Variants in CDS1 observed in about 807,000 individuals in gnomAD.
The protein encoded by CDS1 is CDP-diacylglycerol synthase 1.
CDS1 carries 41 observed loss-of-function variants against 62.1 expected under a neutral mutation model. The observed-to-expected ratio is 0.66, with a 90% CI of 0.51 to 0.86. The LOEUF (loss-of-function observed/expected upper bound fraction) is 0.86. CDS1 is among the 40% of genes least tolerant of loss of function. CDS1 has a pLI of 0.00. For synonymous variants in CDS1, 185 were observed against 192.6 expected, an observed-to-expected ratio of 0.96 and a Z score of 0.32; for missense variants, 470 against 550.1, an observed-to-expected ratio of 0.85 and a Z score of 1.46.
chr4:84,613,885 T>C (rs1723409510), intron 3 of CDS1, among the ~76,000 whole-genome samples: 2 of 152,186 alleles, frequency 1.3e-5, no homozygotes, highest in Admixed American at 1.3e-4. Context: ...TACTTTTAAA[T>C]AGTGTGTTTA....
rs1364533450 is a variant in CDS1, at chr4:84,635,297, T to G, written c.756T>G (p.Asn252Lys). 7.0e-6 allele frequency: 11 copies of G among 1,581,394 alleles called. No homozygotes were observed. The highest frequency in any genetic ancestry group is 7.8e-6 in the Non-Finnish European group (9 of 1,160,278). Residue 252 changes from asparagine (N) to lysine (K), a missense_variant, in exon 8 of 13, where the codon AAT (asparagine) becomes AAG (lysine). By Grantham distance (94) the Asn-to-Lys change is moderately conservative (BLOSUM62 0). Around this residue, in one of 5 missense-constraint regions of CDS1, gnomAD observed 214 missense variants for 242.4 expected, o/e 0.88. Transcript: ENST00000295887. ...FLVPISSVIC[N>K]DITAYLFGFF... Reference sequence around the variant, plus strand: ...TTCCAATATCAAGTGTTATCTGCAATGACATAACTGCTTACCTTTTTGGAT... The same window carrying G: ...TTCCAATATCAAGTGTTATCTGCAAGGACATAACTGCTTACCTTTTTGGAT...
chr4:84,647,844 TTACTG>T (rs931232394), intron 12 of CDS1, among the ~76,000 whole-genome samples: 16 of 152,206 alleles, frequency 1.1e-4, no homozygotes, highest in Non-Finnish European at 2.1e-4. Context: ...TGAACAATCT[TTACTG>T]TAAGGCATAC....
intron 2 of CDS1, among the ~76,000 whole-genome samples, chr4:84,607,538 G>C (rs1723167378): frequency 6.6e-6 from 1 of 151,968 alleles, no homozygotes; most frequent in African/African-American, 2.4e-5. Flanking sequence ...GCCCAGGCTG[G>C]TCTCAAACTC....
chr4:84,639,859 G>A (rs1259187574), intron 9 of CDS1, among the ~76,000 whole-genome samples: 1 of 151,932 alleles, frequency 6.6e-6, no homozygotes, highest in Non-Finnish European at 1.5e-5. Context: ...AATTATTCCA[G>A]TGTTTTTGTG....
chr4:84,600,305 G>A (rs1251115248), intron 1 of CDS1, among the ~76,000 whole-genome samples: 1 of 152,062 alleles, frequency 6.6e-6, no homozygotes, highest in African/African-American at 2.4e-5. Flanking sequence ...GTTTCGTTCT[G>A]TGACTTGTCT....
chr4:84,632,115 A>G (rs965830570), intron 6 of CDS1, among the ~76,000 whole-genome samples: 5 of 152,178 alleles, frequency 3.3e-5, no homozygotes, highest in Non-Finnish European at 1.5e-5. Flanking sequence ...AATATTTTCA[A>G]ATGGTGTAAA....
At chr4:84,622,950 G>A (rs1223139336) in intron 5 of CDS1, among the ~76,000 whole-genome samples, 3 of 151,904 alleles carry the variant, frequency 2.0e-5, no homozygotes, top group African/African-American at 4.8e-5. Flanking sequence ...TGTTTTTCCC[G>A]AACTTGAGGA....
At chr4:84,642,879 T>C in intron 10 of CDS1, 145 bp from the exon 11 acceptor site, 3 of 746,196 alleles carry the variant, frequency 4.0e-6, no homozygotes, top group Non-Finnish European at 6.4e-6. Flanking sequence ...CTTTTCTTCC[T>C]TGATCCTTAA....
intron 5 of CDS1, among the ~76,000 whole-genome samples, chr4:84,629,498 T>C (rs1387069839): frequency 6.6e-6 from 1 of 152,200 alleles, no homozygotes; most frequent in Non-Finnish European, 1.5e-5. Context: ...ATAAGTAATC[T>C]AGAAATGATT....
chr4:84,635,405 T>G, intron 8 of CDS1, 54 bp downstream of exon 8: 2 of 854,616 alleles, frequency 2.3e-6, no homozygotes, highest in Admixed American at 4.1e-5. Context: ...GATTAGCCAC[T>G]GGAGAACATT....
intron 1 of CDS1, among the ~76,000 whole-genome samples, chr4:84,586,521 T>G (rs1426581278): frequency 6.6e-6 from 1 of 152,128 alleles, no homozygotes; most frequent in African/African-American, 2.4e-5. Context: ...AATGCTGCTG[T>G]TGATCTGACA....
At chr4:84,627,706 C>G (rs1041433015) in intron 5 of CDS1, among the ~76,000 whole-genome samples, 1 of 151,860 alleles carries the variant, frequency 6.6e-6, no homozygotes, top group Non-Finnish European at 1.5e-5. Context: ...TGCTTTGAGT[C>G]CAAGAAAATT....
intron 3 of CDS1, among the ~76,000 whole-genome samples, chr4:84,610,060 A>T (rs1160945381): frequency 6.6e-6 from 1 of 152,176 alleles, no homozygotes; most frequent in Non-Finnish European, 1.5e-5. Flanking sequence ...TCAACATATG[A>T]CTATTAGCTA....
At chr4:84,638,845 G>GTT (rs1351807874) in intron 8 of CDS1, 79 bp from the exon 9 acceptor site, 100 of 308,790 alleles carry the variant, frequency 3.2e-4, no homozygotes, top group African/African-American at 2.0e-3. Flanking sequence ...TGAGGAAATA[G>GTT]TTTATATATA....
chr4:84,587,970 C>T (rs1722469938), intron 1 of CDS1, among the ~76,000 whole-genome samples: 1 of 152,198 alleles, frequency 6.6e-6, no homozygotes, highest in Non-Finnish European at 1.5e-5. Flanking sequence ...GGCCAGGTTG[C>T]ATCAATGCAG....
intron 11 of CDS1, among the ~76,000 whole-genome samples, chr4:84,644,324 G>A (rs1299159573): frequency 6.6e-6 from 1 of 152,228 alleles, no homozygotes; most frequent in African/African-American, 2.4e-5. Context: ...TGTAATAGCA[G>A]AGTGGCATTG....
intron 3 of CDS1, 135 bp from the exon 4 acceptor site, chr4:84,617,429 T>C: frequency 1.7e-6 from 1 of 589,014 alleles, no homozygotes; most frequent in Non-Finnish European, 3.0e-6. Context: ...TATTGCATTT[T>C]TTACTGACAT....
At chr4:84,645,370 C>A in intron 12 of CDS1, 45 bp downstream of exon 12, 2 of 1,167,524 alleles carry the variant, frequency 1.7e-6, no homozygotes, top group South Asian at 1.2e-5. Flanking sequence ...TCTTTGAGTT[C>A]TCATTTCCAT....
intron 3 of CDS1, among the ~76,000 whole-genome samples, chr4:84,615,633 A>G (rs1167390047): frequency 2.0e-5 from 3 of 151,656 alleles, no homozygotes; most frequent in South Asian, 4.2e-4. Flanking sequence ...CCATTTGCCT[A>G]TTTCACATGG....
Sources: allele counts gnomAD v4.1 joint callset (sites outside exome capture counted in the v4.1 genomes callset), GRCh38; gene constraint gnomAD v4.1.1; regional missense constraint gnomAD v4.1.1; transcripts MANE v1.5; gene names NCBI Gene and HGNC (gene_info 2026-07-23, HGNC 2026-07-21).